Variants in PLEKHA8 observed in about 807,000 individuals in gnomAD.
PLEKHA8 encodes the protein pleckstrin homology domain-containing family A member 8.
A neutral mutation model predicts 68.2 loss-of-function variants in PLEKHA8; 36 were observed. That is an observed-to-expected ratio of 0.53 (90% confidence interval 0.40 to 0.70). The LOEUF (loss-of-function observed/expected upper bound fraction) is 0.70, where lower values mean the gene tolerates loss of function less well. Ranked by LOEUF, PLEKHA8 falls within the 30% of genes least tolerant of loss-of-function variation. PLEKHA8 has a pLI of 0.00. For synonymous variants in PLEKHA8, 211 were observed against 216.1 expected, an observed-to-expected ratio of 0.98 and a Z score of 0.20; for missense variants, 505 against 615.4, an observed-to-expected ratio of 0.82 and a Z score of 1.90.
chr7:30,108,596 G>A (rs975516110), intron 13 of PLEKHA8, among the ~76,000 whole-genome samples: 1 of 152,058 alleles, frequency 6.6e-6, no homozygotes, highest in Non-Finnish European at 1.5e-5. Flanking sequence ...GAGTAGTTCT[G>A]TTAGGTTGTA....
At chr7:30,091,236 G>A (rs942445673), downstream of PLEKHA8, among the ~76,000 whole-genome samples, 3 of 151,658 alleles carry the variant, frequency 2.0e-5, no homozygotes, top group Admixed American at 2.0e-4. Flanking sequence ...TTATTTTTAG[G>A]TGGGTATTGA....
chr7:30,114,468 G>A (rs1796365518), intron 13 of PLEKHA8, among the ~76,000 whole-genome samples: 1 of 152,198 alleles, frequency 6.6e-6, no homozygotes, highest in African/African-American at 2.4e-5. Context: ...TAGCTACCGT[G>A]CAACAGTGCC....
chr7:30,077,018 T>C (rs1480271268), intron 13 of PLEKHA8, among the ~76,000 whole-genome samples: 1 of 152,192 alleles, frequency 6.6e-6, no homozygotes, highest in Admixed American at 6.5e-5. Flanking sequence ...TCATTTGACC[T>C]TTTTGGTTTC....
At chr7:30,054,256 C>T (rs1365783563) in intron 7 of PLEKHA8, among the ~76,000 whole-genome samples, 1 of 152,170 alleles carries the variant, frequency 6.6e-6, no homozygotes, top group Admixed American at 6.6e-5. Context: ...CACCACTTTG[C>T]ACGTGTCCAC....
At chr7:30,129,521 C>A (rs1238163873), downstream of PLEKHA8, 2 of 596,878 alleles carry the variant, frequency 3.4e-6, no homozygotes, top group Admixed American at 3.0e-5. Context: ...CTAATTGATA[C>A]ACCTTAAAAT....
At chr7:30,098,595 A>G (rs1180181097) in intron 13 of PLEKHA8, among the ~76,000 whole-genome samples, 2 of 152,228 alleles carry the variant, frequency 1.3e-5, no homozygotes, top group African/African-American at 4.8e-5. Flanking sequence ...TGTGCTAGCA[A>G]TGAGCGAGGC....
Position 30,109,403 on chromosome 7 carries a change from A to G in PLEKHA8, c.1363-19863A>G, listed in dbSNP as rs190806664. ...GGAGTTCGCGACTAGCCTGGCCAAC[A>G]TGGTGAAACCCTCTTTCTACAAAAA... On this transcript the variant is annotated intron_variant, in intron 13 of 13. Coordinates refer to the PLEKHA8 transcript ENST00000396257. Among the ~76,000 whole-genome samples, 6 of 152,092 alleles carry G rather than the reference A, an allele frequency of 3.9e-5. No homozygotes were observed. The East Asian group carries it at 1.2e-3, about 30-fold the overall frequency.
In PLEKHA8 at chr7:30,080,806, T is replaced by C; in HGVS notation, c.*2019T>C. The stretch of plus-strand genomic sequence containing the variant: ...TGAATATGATGGCAGGACTCGGGGA[T>C]AGTCCCTGCCCTTGACATAGCCCCC... On this transcript the variant is annotated 3_prime_UTR_variant, in exon 14 of 14. Transcript: ENST00000449726. The C allele has an allele frequency of 1.0e-6, 1 of 985,384 alleles. No individual in the cohort carries two copies. The highest frequency in any genetic ancestry group is 1.7e-5 in the African/African-American group (1 of 57,342). The allele number at this position is 985,384 out of a possible 1,614,324, so 61.0% of individuals were successfully genotyped here. A position where few individuals can be genotyped will look rare whatever the true frequency, so the allele number is the denominator to read the frequency against.
downstream of PLEKHA8, chr7:30,129,664 T>A (rs1796839851): frequency 7.9e-6 from 2 of 253,290 alleles, no homozygotes; most frequent in Non-Finnish European, 1.6e-5. Flanking sequence ...GAAACTTGTT[T>A]ATTCATTGCA....
Position 30,081,570 on chromosome 7 carries a change from C to CT in PLEKHA8, c.*2785dup. 1.0e-6 allele frequency: 1 copy of CT among 985,126 alleles called. No homozygotes were observed. The highest frequency in any genetic ancestry group is 1.2e-6 in the Non-Finnish European group (1 of 829,666). The allele number at this position is 985,126 out of a possible 1,614,324, so 61.0% of individuals were successfully genotyped here. A position where few individuals can be genotyped will look rare whatever the true frequency, so the allele number is the denominator to read the frequency against. On this transcript the variant is annotated 3_prime_UTR_variant, in exon 14 of 14. Coordinates refer to ENST00000449726, the MANE Select transcript of PLEKHA8 (RefSeq NM_001197026.2). ...GCTTTCTCTCCATAGCCCTCCAAGACTTCTGGGACAACTAAATTTACTTTC... is the reference window on the plus strand; with the variant it reads ...GCTTTCTCTCCATAGCCCTCCAAGACTTTCTGGGACAACTAAATTTACTTTC...
chr7:30,070,560 T>C (rs977866805), intron 12 of PLEKHA8, among the ~76,000 whole-genome samples: 2 of 151,810 alleles, frequency 1.3e-5, no homozygotes, highest in Non-Finnish European at 2.9e-5. Flanking sequence ...TTTTTTTTTT[T>C]TTTGAGACAG....
rs1794896719 is a variant in PLEKHA8 at position 30,080,868 on chromosome 7, C to T, written c.*2081C>T. On this transcript the variant is annotated 3_prime_UTR_variant, in exon 14 of 14. Coordinates refer to ENST00000449726, the MANE Select transcript of PLEKHA8 (RefSeq NM_001197026.2). ...AAGAAAAAGCCAGTTTTTGCTTGTA[C>T]TTTGAATGAAGATGTTTTAGGCATT... The T allele has an allele frequency of 1.0e-6, 1 of 985,304 alleles. No homozygotes were observed. The highest frequency in any genetic ancestry group is 1.2e-6 in the Non-Finnish European group (1 of 829,904). The allele number at this position is 985,304 out of a possible 1,614,324, so 61.0% of individuals were successfully genotyped here. A position where few individuals can be genotyped will look rare whatever the true frequency, so the allele number is the denominator to read the frequency against.
chr7:30,065,016 C>G (rs542180122), intron 12 of PLEKHA8, among the ~76,000 whole-genome samples: 3 of 152,258 alleles, frequency 2.0e-5, no homozygotes, highest in Admixed American at 6.5e-5. Flanking sequence ...CCATTTCTAT[C>G]CAGTCCCAAC....
chr7:30,126,062 C>CT (rs1796767108), intron 13 of PLEKHA8, among the ~76,000 whole-genome samples: 1 of 151,750 alleles, frequency 6.6e-6, no homozygotes, highest in African/African-American at 2.4e-5. Flanking sequence ...AACAGCCACT[C>CT]TAAGTCTCTG....
At chr7:30,091,866 A>G (rs1170215829), downstream of PLEKHA8, among the ~76,000 whole-genome samples, 1 of 152,236 alleles carries the variant, frequency 6.6e-6, no homozygotes, top group Non-Finnish European at 1.5e-5. Context: ...TGGGCCATAG[A>G]GCATTAGTTC....
At chr7:30,043,273 T>G (rs184030583) in intron 1 of PLEKHA8, among the ~76,000 whole-genome samples, 2 of 152,248 alleles carry the variant, frequency 1.3e-5, no homozygotes, top group Admixed American at 1.3e-4. Context: ...GTTAATATTA[T>G]AGCTGTGAGC....
In PLEKHA8 at chr7:30,115,787, C is replaced by T. The variant is rs544430419; in HGVS notation, c.1363-13479C>T. 4 of 144,658 alleles carry T rather than the reference C, an allele frequency of 2.8e-5. No individual in the cohort carries two copies. In the East Asian group the frequency reaches 6.0e-4, roughly 22 times the overall value. 9.0% of individuals were successfully genotyped at this position (144,658 alleles called of 1,614,324 possible). On this transcript the variant is annotated intron_variant, in intron 13 of 13. Transcript: ENST00000396257. ...GTATACACGTATGCATGCATACATA[C>T]GTGCACATACATGTATACACGCATG...
chr7:30,041,934 G>A (rs1791573457), intron 1 of PLEKHA8, among the ~76,000 whole-genome samples: 1 of 151,984 alleles, frequency 6.6e-6, no homozygotes, highest in Admixed American at 6.6e-5. Flanking sequence ...AAATAATGGT[G>A]TGTCTTAAAA....
Position 30,061,880 on chromosome 7 carries a change from C to T in PLEKHA8, c.1099-17C>T, listed in dbSNP as rs183226815. On this transcript the variant is annotated splice_polypyrimidine_tract_variant and intron_variant, in intron 10 of 13. Transcript: ENST00000449726. ...TCAGCATTTTAAACTTAGGTTGTTT[C>T]CCTGCTTTCCCTCCAGAAAGTAAAT... The T allele has an allele frequency of 3.7e-6, 6 of 1,613,090 alleles. No homozygotes were observed. The East Asian group carries it at 1.3e-4, about 36-fold the overall frequency.
Sources: allele counts gnomAD v4.1 joint callset (sites outside exome capture counted in the v4.1 genomes callset), GRCh38; gene constraint gnomAD v4.1.1; transcripts MANE v1.5; gene names NCBI Gene and HGNC (gene_info 2026-07-23, HGNC 2026-07-21).